SNX29: variants seen among roughly 807,000 people sequenced by gnomAD.
SNX29 encodes sorting nexin 29.
SNX29 carries 78 observed loss-of-function variants against 102.1 expected under a neutral mutation model. The ratio of observed to expected loss-of-function variants is 0.76; its 90% CI spans 0.64 to 0.92. The LOEUF (loss-of-function observed/expected upper bound fraction) is 0.92. SNX29 is among the 40% of genes least tolerant of loss of function. SNX29 has a pLI of 0.00. For missense variants in SNX29, 1,280 were observed against 1,061.7 expected (o/e 1.21, Z -2.86); for synonymous variants, 580 against 414.5 (o/e 1.40, Z -4.85).
chr16:12,158,352 A>G (rs1044536535), intron 13 of SNX29, among the ~76,000 whole-genome samples: 2 of 152,074 alleles, frequency 1.3e-5, no homozygotes, highest in Admixed American at 6.5e-5. Flanking sequence ...GACGTGCGCC[A>G]CCACACCCGG....
At chr16:12,060,372 G>A (rs150693444) in intron 8 of SNX29, among the ~76,000 whole-genome samples, 14 of 152,092 alleles carry the variant, frequency 9.2e-5, no homozygotes, top group African/African-American at 2.9e-4. Context: ...CAGGAGGATC[G>A]CTTGAGGCTA....
intron 13 of SNX29, among the ~76,000 whole-genome samples, chr16:12,164,972 G>A (rs1174743128): frequency 6.6e-6 from 1 of 152,140 alleles, no homozygotes; most frequent in Non-Finnish European, 1.5e-5. Flanking sequence ...ACAGGTGTGA[G>A]CCACCGCACC....
chr16:12,464,001 AC>A (rs1259565185), intron 18 of SNX29, among the ~76,000 whole-genome samples: 2 of 152,036 alleles, frequency 1.3e-5, no homozygotes, highest in Non-Finnish European at 2.9e-5. Context: ...GACCAACATC[AC>A]CTATCTCCCC....
At position 11,977,384 on chromosome 16, in the gene SNX29, C is replaced by T. The variant is rs114348385; in HGVS notation, c.7+571C>T. On this transcript the variant is annotated intron_variant, in intron 1 of 20. Transcript: ENST00000566228. ...CCCCATCCCTCTCATCCCTCCCACC[C>T]CTGTTCCCAGTGCTTTGCTCTTCCC... 3.8e-3 allele frequency: 588 copies of T among 153,338 alleles called. 5 individuals carry two copies. The highest frequency in any genetic ancestry group is 0.013 in the African/African-American group (545 of 41,612). 9.5% of individuals were successfully genotyped at this position (153,338 alleles called of 1,614,324 possible). A position where few individuals can be genotyped will look rare whatever the true frequency, so the allele number is the denominator to read the frequency against.
rs56358290 is a variant in SNX29, at chr16:12,355,843, TAAAAAAAAAAAAAAAAAAAA to T, written c.1783-306_1783-287del. ...TGACCTTGACAGAGCGAGATCTTAT[TAAAAAAAAAAAAAAAAAAAA>T]AAAAAAAAAAAAAGAGAGAGGAAAA... On this transcript the variant is annotated intron_variant, in intron 15 of 20. Transcript: ENST00000566228. Among the ~76,000 whole-genome samples the T allele has an allele frequency of 1.6e-4, 14 of 85,572 alleles. No individual in the cohort carries two copies. In the East Asian group the frequency reaches 6.3e-3, roughly 39 times the overall value. The allele number at this position is 85,572 out of a possible 152,430, so 56.1% of individuals were successfully genotyped here.
chr16:12,290,151 G>A (rs2079744916), intron 15 of SNX29, among the ~76,000 whole-genome samples: 1 of 152,118 alleles, frequency 6.6e-6, no homozygotes, highest in South Asian at 2.1e-4. Flanking sequence ...GCTCACTTTA[G>A]CATTTAGGTT....
At chr16:12,554,477 G>T (rs2078197294) in intron 20 of SNX29, among the ~76,000 whole-genome samples, 1 of 152,172 alleles carries the variant, frequency 6.6e-6, no homozygotes, top group Non-Finnish European at 1.5e-5. Context: ...CTGCACATAG[G>T]CATGGAGTGG....
At chr16:12,289,509 G>A (rs1459631697) in intron 15 of SNX29, among the ~76,000 whole-genome samples, 1 of 152,106 alleles carries the variant, frequency 6.6e-6, no homozygotes, top group African/African-American at 2.4e-5. Context: ...ACCCTCTCCG[G>A]TGGTGGCGCT....
At chr16:12,210,511 C>G (rs974953395) in intron 14 of SNX29, among the ~76,000 whole-genome samples, 1 of 150,290 alleles carries the variant, frequency 6.7e-6, no homozygotes, top group Non-Finnish European at 1.5e-5. Flanking sequence ...GAAGTCTTGC[C>G]TGAGAATGGA....
chr16:12,547,907 C>T (rs571646695), intron 20 of SNX29, among the ~76,000 whole-genome samples: 2 of 152,140 alleles, frequency 1.3e-5, no homozygotes, highest in East Asian at 1.9e-4. Context: ...ATAGGAGCTG[C>T]TCTTAGGGGT....
At chr16:12,513,363 GCCTTCCTCTGCCCTGCCCTGCTCTC>G (rs1464748895) in intron 19 of SNX29, among the ~76,000 whole-genome samples, 2 of 138,108 alleles carry the variant, frequency 1.4e-5, no homozygotes, top group Non-Finnish European at 3.1e-5. Flanking sequence ...CTTCTCCTCA[GCCTTCCTCTGCCCTGCCCTGCTCTC>G]CCTTCCCCTC....
At chr16:12,069,362 A>G (rs777924806) in intron 10 of SNX29, among the ~76,000 whole-genome samples, 8 of 149,582 alleles carry the variant, frequency 5.3e-5, no homozygotes, top group Non-Finnish European at 3.0e-5. Context: ...GCCTCCCGAG[A>G]TCAAGCGATT....
chr16:12,363,405 C>T (rs1348649838), intron 16 of SNX29, among the ~76,000 whole-genome samples: 5 of 152,198 alleles, frequency 3.3e-5, no homozygotes, highest in Admixed American at 1.3e-4. Flanking sequence ...GATTAGGCTT[C>T]CTCCCAGACA....
At chr16:12,034,347 A>C (rs3971429) in intron 4 of SNX29, among the ~76,000 whole-genome samples, 3 of 152,172 alleles carry the variant, frequency 2.0e-5, no homozygotes, top group South Asian at 2.1e-4. Context: ...TTTTGTATTC[A>C]TGCACGTGCC....
At chr16:12,166,685 C>G (rs922357591) in intron 13 of SNX29, among the ~76,000 whole-genome samples, 4 of 152,264 alleles carry the variant, frequency 2.6e-5, no homozygotes, top group African/African-American at 9.6e-5. Context: ...CCCGTGTACC[C>G]ACCCTCCTTT....
intron 16 of SNX29, among the ~76,000 whole-genome samples, chr16:12,359,944 C>T (rs560396056): frequency 6.6e-6 from 1 of 152,322 alleles, no homozygotes; most frequent in South Asian, 2.1e-4. Flanking sequence ...ATGCCTCAGC[C>T]TCCTGAGTAG....
chr16:12,049,786 A>G (rs2050232280), intron 7 of SNX29, among the ~76,000 whole-genome samples: 1 of 151,012 alleles, frequency 6.6e-6, no homozygotes, highest in African/African-American at 2.4e-5. Context: ...TGTAGTATGT[A>G]TGTGTATATA....
chr16:12,547,775 G>C (rs756585198), intron 20 of SNX29, among the ~76,000 whole-genome samples: 8 of 152,170 alleles, frequency 5.3e-5, no homozygotes, highest in Non-Finnish European at 8.8e-5. Flanking sequence ...GCTCACACTT[G>C]CCTGGCTACC....
chr16:12,038,786 A>T (rs897169065), intron 4 of SNX29: 1 of 152,282 alleles, frequency 6.6e-6, no homozygotes, highest in Non-Finnish European at 1.5e-5. Flanking sequence ...GACAGGCTGC[A>T]GGTGAGAGTC....
Sources: gnomAD v4.1 joint callset for allele counts (sites outside exome capture counted in the v4.1 genomes callset) on GRCh38, gnomAD v4.1.1 for gene constraint, MANE v1.5 for transcripts, NCBI Gene and HGNC (gene_info 2026-07-23, HGNC 2026-07-21) for gene names.